ARMCX4: variants seen among roughly 807,000 people sequenced by gnomAD.
ARMCX4 encodes the protein armadillo repeat containing X-linked 4.
Under a neutral mutation model 34.7 loss-of-function variants are expected in ARMCX4, and 3 were observed. That is an observed-to-expected ratio of 0.09 (90% CI 0.04 to 0.22). The LOEUF (loss-of-function observed/expected upper bound fraction) is 0.22, where lower values mean the gene tolerates loss of function less well. ARMCX4 is among the 10% of genes least tolerant of loss of function. The pLI, the probability that ARMCX4 is intolerant of heterozygous loss-of-function variation, is 1.00. For synonymous variants in ARMCX4, 513 were observed against 632.8 expected, an observed-to-expected ratio of 0.81 and a Z score of 2.84; for missense variants, 1,448 against 1,720.8, an observed-to-expected ratio of 0.84 and a Z score of 2.81.
chrX:101,530,797 G>C (rs1334345722), intron 11 of ARMCX4, among the ~76,000 whole-genome samples: 3 of 112,198 alleles, frequency 2.7e-5, no homozygotes, highest in African/African-American at 9.7e-5. Context: ...GTTAAAGGAA[G>C]CTCTTCAGAC....
intron 4 of ARMCX4, among the ~76,000 whole-genome samples, chrX:101,460,368 G>T (rs1315266968): frequency 1.8e-5 from 2 of 112,500 alleles, no homozygotes; most frequent in Non-Finnish European, 3.8e-5. Context: ...TGGTGGGTGA[G>T]GGATTAAGCT....
At chrX:101,450,194 T>C (rs1931902639), downstream of ARMCX4, among the ~76,000 whole-genome samples, 1 of 112,481 alleles carries the variant, frequency 8.9e-6, no homozygotes. Context: ...CACTGGGTCT[T>C]GCCCAAGGCC....
intron 2 of ARMCX4, among the ~76,000 whole-genome samples, chrX:101,427,682 A>C (rs1299470493): frequency 9.0e-6 from 1 of 111,600 alleles, no homozygotes; most frequent in Non-Finnish European, 1.9e-5. Context: ...TGCCTGGCCG[A>C]GAGCTTTCTT....
chrX:101,423,061 C>A (rs948465086), intron 2 of ARMCX4, among the ~76,000 whole-genome samples: 2 of 109,105 alleles, frequency 1.8e-5, no homozygotes, highest in Non-Finnish European at 3.8e-5. Context: ...AGGCGCCCAC[C>A]ACCATGCCCA....
chrX:101,534,521 A>T (rs1439378970), downstream of ARMCX4, among the ~76,000 whole-genome samples: 1 of 111,546 alleles, frequency 9.0e-6, no homozygotes, highest in African/African-American at 3.2e-5. Flanking sequence ...TTAAGAAGAA[A>T]GAAAAGATAA....
intron 3 of ARMCX4, among the ~76,000 whole-genome samples, chrX:101,445,134 C>A (rs1449392201): frequency 1.8e-5 from 2 of 112,189 alleles, no homozygotes; most frequent in Non-Finnish European, 3.8e-5. Context: ...AGAGGAAGGA[C>A]ACAAAAGATA....
chrX:101,464,303 G>A (rs1222818003), intron 4 of ARMCX4, among the ~76,000 whole-genome samples: 1 of 111,627 alleles, frequency 9.0e-6, no homozygotes, highest in Admixed American at 9.5e-5. Context: ...TTGAACCTGG[G>A]AGGTGGAAGT....
intron 2 of ARMCX4, among the ~76,000 whole-genome samples, chrX:101,435,997 G>A (rs1439085705): frequency 9.0e-5 from 10 of 111,361 alleles, no homozygotes; most frequent in Non-Finnish European, 1.9e-4. Flanking sequence ...TGTTCTATTG[G>A]TCTATATCTC....
At chrX:101,526,348 A>G (rs1407027475) in intron 11 of ARMCX4, among the ~76,000 whole-genome samples, 2 of 112,142 alleles carry the variant, frequency 1.8e-5, no homozygotes, top group African/African-American at 6.5e-5. Flanking sequence ...AAACATGGAA[A>G]GGAACAACCG....
chrX:101,461,864 T>A (rs1483240237), intron 4 of ARMCX4, among the ~76,000 whole-genome samples: 7 of 112,278 alleles, frequency 6.2e-5, no homozygotes, highest in Non-Finnish European at 1.3e-4. Context: ...ATTGAAAAAT[T>A]TAAAACACTG....
At chrX:101,432,454 A>G (rs1250564875) in intron 2 of ARMCX4, among the ~76,000 whole-genome samples, 2 of 110,874 alleles carry the variant, frequency 1.8e-5, no homozygotes, top group African/African-American at 3.3e-5. Flanking sequence ...CGAAGTCAGG[A>G]GTTCAAGTCT....
chrX:101,430,689 A>G (rs1929942618), intron 2 of ARMCX4, among the ~76,000 whole-genome samples: 1 of 112,356 alleles, frequency 8.9e-6, no homozygotes, highest in Admixed American at 9.5e-5. Context: ...TAATCTCCAG[A>G]CAAGGCTTTA....
chrX:101,510,343 T>A (rs1421668831), intron 10 of ARMCX4, among the ~76,000 whole-genome samples: 1 of 111,946 alleles, frequency 8.9e-6, no homozygotes, highest in Non-Finnish European at 1.9e-5. Context: ...TTTGTGTGAA[T>A]GTACCAATTT....
chrX:101,449,927 A>C (rs1931885482), downstream of ARMCX4, among the ~76,000 whole-genome samples: 1 of 111,999 alleles, frequency 8.9e-6, no homozygotes, highest in Non-Finnish European at 1.9e-5. Flanking sequence ...GAGGCACCCC[A>C]AGCCCAGTAA....
downstream of ARMCX4, among the ~76,000 whole-genome samples, chrX:101,450,884 G>A (rs577359794): frequency 9.0e-6 from 1 of 111,432 alleles, no homozygotes; most frequent in East Asian, 2.8e-4. Context: ...CTGGAATAGG[G>A]GCCTCACAAC....
intron 4 of ARMCX4, among the ~76,000 whole-genome samples, chrX:101,462,399 T>G (rs1360555660): frequency 5.4e-5 from 6 of 111,169 alleles, no homozygotes; most frequent in Non-Finnish European, 9.4e-5. Flanking sequence ...TCCAGTACTT[T>G]GGGAGGCTGA....
In ARMCX4 at chrX:101,490,512, G is replaced by T; in HGVS notation, c.1923G>T (p.Leu641Phe). The T allele has an allele frequency of 8.6e-7, 1 of 1,156,416 alleles. No individual in the cohort carries two copies. The highest frequency in any genetic ancestry group is 1.1e-6 in the Non-Finnish European group (1 of 873,043). Residue 641 changes from leucine (L) to phenylalanine (F), a missense_variant, in exon 6 of 6, where the codon TTG (leucine) becomes TTT (phenylalanine). Physicochemically the swap from Leu to Phe is conservative, Grantham distance 22. Around this residue, in one of 2 missense-constraint regions of ARMCX4, gnomAD observed 1,343 missense variants for 1,540.7 expected, o/e 0.87. Transcript: ENST00000423738. Reference protein sequence around the residue: ...EAVVSFQGEALLGTKNKVKGN... With the variant: ...EAVVSFQGEAFLGTKNKVKGN... ...TGGTCAGTTTCCAGGGTGAGGCCTT[G>T]CTTGGCACCAAGAATAAAGTTAAGG...
intron 7 of ARMCX4, among the ~76,000 whole-genome samples, chrX:101,504,153 T>C (rs1381167683): frequency 1.8e-5 from 2 of 111,848 alleles, no homozygotes; most frequent in East Asian, 5.6e-4. Context: ...TATATCTCTG[T>C]TTTGGTACCA....
intron 11 of ARMCX4, among the ~76,000 whole-genome samples, chrX:101,511,565 T>C (rs781814493): frequency 1.8e-5 from 2 of 111,710 alleles, no homozygotes; most frequent in Non-Finnish European, 3.8e-5. Flanking sequence ...TCTTTAAGAA[T>C]GAGCCCCTCC....
Sources: gnomAD v4.1 joint callset for allele counts (sites outside exome capture counted in the v4.1 genomes callset) on GRCh38, gnomAD v4.1.1 for gene constraint, gnomAD v4.1.1 regional missense constraint, MANE v1.5 for transcripts, NCBI Gene and HGNC (gene_info 2026-07-23, HGNC 2026-07-21) for gene names.